The following MCC variants were observed in gnomAD, a reference collection of about 807,000 sequenced individuals.
MCC encodes colorectal mutant cancer protein.
MCC carries 90 observed loss-of-function variants against 116.2 expected under a neutral mutation model. That is an observed-to-expected ratio of 0.77 (90% CI 0.65 to 0.92). The LOEUF (loss-of-function observed/expected upper bound fraction) is 0.92. Ranked by LOEUF, MCC falls within the 40% of genes least tolerant of loss-of-function variation. MCC has a pLI of 0.00. For synonymous variants in MCC, 578 were observed against 510.5 expected, an observed-to-expected ratio of 1.13 and a Z score of -1.78; for missense variants, 1,516 against 1,312.2, an observed-to-expected ratio of 1.16 and a Z score of -2.40.
chr5:113,200,147 C>T (rs530724854), intron 3 of MCC, among the ~76,000 whole-genome samples: 1 of 152,168 alleles, frequency 6.6e-6, no homozygotes, highest in African/African-American at 2.4e-5. Context: ...TATATCCTAG[C>T]TACAGTGGAA....
intron 3 of MCC, among the ~76,000 whole-genome samples, chr5:113,320,494 A>G (rs1767396609): frequency 6.6e-6 from 1 of 151,472 alleles, no homozygotes; most frequent in Non-Finnish European, 1.5e-5. Context: ...CTTGGGAGGA[A>G]CACAGTATTA....
intron 3 of MCC, among the ~76,000 whole-genome samples, chr5:113,264,580 C>G: frequency 6.6e-6 from 1 of 152,104 alleles, no homozygotes; most frequent in Middle Eastern, 3.2e-3. Flanking sequence ...CTGTGATACT[C>G]TAGGGGGCTG....
At chr5:113,453,828 T>C (rs1771467424) in intron 1 of MCC, among the ~76,000 whole-genome samples, 1 of 152,138 alleles carries the variant, frequency 6.6e-6, no homozygotes, top group African/African-American at 2.4e-5. Context: ...ATTAAAGTAA[T>C]AGCCAGGTGT....
intron 7 of MCC, among the ~76,000 whole-genome samples, chr5:113,102,283 T>C (rs1161215188): frequency 6.6e-6 from 1 of 152,228 alleles, no homozygotes; most frequent in Non-Finnish European, 1.5e-5. Context: ...AGTTGGTGGA[T>C]ACACACAACC....
intron 1 of MCC, among the ~76,000 whole-genome samples, chr5:113,466,209 T>C (rs965925845): frequency 6.6e-6 from 1 of 151,576 alleles, no homozygotes; most frequent in Non-Finnish European, 1.5e-5. Flanking sequence ...ATACTTTAAG[T>C]TTTAGGGTAC....
At chr5:113,247,031 G>C (rs1764606543) in intron 3 of MCC, among the ~76,000 whole-genome samples, 2 of 152,190 alleles carry the variant, frequency 1.3e-5, no homozygotes, top group Non-Finnish European at 2.9e-5. Flanking sequence ...CCATTTCAGA[G>C]TCTGCTCTTT....
chr5:113,051,830 A>T (rs969598661), intron 15 of MCC, among the ~76,000 whole-genome samples: 1 of 152,174 alleles, frequency 6.6e-6, no homozygotes, highest in East Asian at 1.9e-4. Flanking sequence ...CAGAAATTTG[A>T]ATTTCTCAGC....
intron 1 of MCC, among the ~76,000 whole-genome samples, chr5:113,476,778 A>G (rs1341814200): frequency 6.6e-6 from 1 of 152,172 alleles, no homozygotes. Context: ...GCTAATGGGT[A>G]CAGGGTTTCT....
intron 3 of MCC, among the ~76,000 whole-genome samples, chr5:113,251,303 C>A (rs927630953): frequency 6.6e-6 from 1 of 152,160 alleles, no homozygotes; most frequent in African/African-American, 2.4e-5. Flanking sequence ...GTTGGTATTG[C>A]CTACATTTGA....
At position 113,064,097 on chromosome 5, in the gene MCC, C is replaced by T; in HGVS notation, c.2100G>A (p.Glu700=). ...KRAHDCRKTA[E]NAAKALLMKL... ...TCATGAGCAGGGCCTTGGCAGCGTTCTCAGCTGTCTTCCGGCAGTCATGAG... is the reference window on the plus strand; with the variant it reads ...TCATGAGCAGGGCCTTGGCAGCGTTTTCAGCTGTCTTCCGGCAGTCATGAG... The change falls in exon 14 of 19, where the codon GAG becomes GAA. Residue 700 remains glutamate, a synonymous_variant. Coordinates refer to ENST00000408903, the MANE Select transcript of MCC (RefSeq NM_001085377.2). The T allele has an allele frequency of 6.2e-7, 1 of 1,614,202 alleles. No homozygotes were observed. The highest frequency in any genetic ancestry group is 8.5e-7 in the Non-Finnish European group (1 of 1,180,022).
intron 15 of MCC, among the ~76,000 whole-genome samples, chr5:113,051,523 G>C (rs1360122765): frequency 6.6e-6 from 1 of 152,142 alleles, no homozygotes; most frequent in Non-Finnish European, 1.5e-5. Context: ...GTTTGAGACT[G>C]GCCTGGGCAA....
chr5:113,251,278 T>C (rs1764789679), intron 3 of MCC, among the ~76,000 whole-genome samples: 1 of 152,242 alleles, frequency 6.6e-6, no homozygotes. Flanking sequence ...ATTAGCACTG[T>C]CTGCGTTTTT....
At position 113,416,568 on chromosome 5, in the gene MCC, A is replaced by G. The variant is rs1056354382; in HGVS notation, c.171-31356T>C. The stretch of plus-strand genomic sequence containing the variant: ...TTTACAGTATATTCTACATACATAT[A>G]TATCTATACATAAATGCATGTATAT... On this transcript the variant is annotated intron_variant, in intron 1 of 18. Transcript: ENST00000408903. 1.1e-4 allele frequency among the ~76,000 whole-genome samples: 16 copies of G among 152,320 alleles called. No individual in the cohort carries two copies. The East Asian group carries it at 3.1e-3, about 29-fold the overall frequency.
chr5:113,230,885 C>G (rs1763915966), intron 3 of MCC, among the ~76,000 whole-genome samples: 1 of 152,092 alleles, frequency 6.6e-6, no homozygotes, highest in Non-Finnish European at 1.5e-5. Context: ...GCAAAACAGA[C>G]CATTATCTCA....
At chr5:113,102,616 C>T (rs934072744) in intron 7 of MCC, among the ~76,000 whole-genome samples, 1 of 152,134 alleles carries the variant, frequency 6.6e-6, no homozygotes, top group African/African-American at 2.4e-5. Context: ...CTTAGTAGCA[C>T]ATAGTTTTAA....
chr5:113,230,875 G>A (rs1163661687), intron 3 of MCC, among the ~76,000 whole-genome samples: 1 of 152,090 alleles, frequency 6.6e-6, no homozygotes, highest in Non-Finnish European at 1.5e-5. Context: ...ACAGAGGATT[G>A]CAAAACAGAC....
intron 3 of MCC, among the ~76,000 whole-genome samples, chr5:113,170,000 G>C (rs1760990322): frequency 6.6e-6 from 1 of 152,160 alleles, no homozygotes; most frequent in Non-Finnish European, 1.5e-5. Context: ...GGGATGGCAA[G>C]TACATGATAC....
At chr5:113,050,714 T>C (rs775346633) in intron 15 of MCC, among the ~76,000 whole-genome samples, 2 of 152,164 alleles carry the variant, frequency 1.3e-5, no homozygotes, top group African/African-American at 4.8e-5. Context: ...AACAAACATA[T>C]AAGTGCAGGC....
chr5:113,467,369 T>G (rs1771940403), intron 1 of MCC, among the ~76,000 whole-genome samples: 1 of 151,668 alleles, frequency 6.6e-6, no homozygotes, highest in South Asian at 2.1e-4. Flanking sequence ...GTATAAGGTG[T>G]AAGGAAGGGA....
Sources: allele counts gnomAD v4.1 joint callset (sites outside exome capture counted in the v4.1 genomes callset), GRCh38; gene constraint gnomAD v4.1.1; transcripts MANE v1.5; gene names NCBI Gene and HGNC (gene_info 2026-07-23, HGNC 2026-07-21).